The following E2F6 variants were observed in gnomAD, a reference collection of about 807,000 sequenced individuals.
E2F6 encodes E2F transcription factor 6.
In E2F6, 19 loss-of-function variants were observed where a neutral mutation model predicts 31.5. The ratio of observed to expected loss-of-function variants is 0.60; its 90% CI spans 0.42 to 0.89. The LOEUF is 0.89. Ranked by LOEUF, E2F6 falls within the 40% of genes least tolerant of loss-of-function variation. The pLI is 0.00. For synonymous variants in E2F6, 121 were observed against 127.7 expected, an observed-to-expected ratio of 0.95 and a Z score of 0.36; for missense variants, 269 against 341.6, an observed-to-expected ratio of 0.79 and a Z score of 1.67.
chr2:11,454,383 C>G (rs368581217), intron 2 of E2F6, among the ~76,000 whole-genome samples: 1 of 149,670 alleles, frequency 6.7e-6, no homozygotes, highest in African/African-American at 2.5e-5. Context: ...GAGTCTCGCT[C>G]TGTTGCCCAG....
At chr2:11,453,483 T>C (rs1353110852) in intron 3 of E2F6, 99 bp downstream of exon 3, 5 of 1,107,430 alleles carry the variant, frequency 4.5e-6, no homozygotes, top group South Asian at 4.3e-5. Flanking sequence ...CGTACCTTTG[T>C]ATTATATTGT....
At chr2:11,452,968 AT>A (rs1671164547) in intron 3 of E2F6, among the ~76,000 whole-genome samples, 2 of 152,092 alleles carry the variant, frequency 1.3e-5, no homozygotes, top group South Asian at 4.1e-4. Flanking sequence ...GTAGGTTTTC[AT>A]TTGCCTGAGA....
At chr2:11,449,370 G>A (rs1670920795) in intron 5 of E2F6, among the ~76,000 whole-genome samples, 1 of 152,200 alleles carries the variant, frequency 6.6e-6, no homozygotes, top group South Asian at 2.1e-4. Context: ...GCTGCACTGT[G>A]AGCACCGATG....
At chr2:11,457,369 A>T (rs1217120041) in intron 1 of E2F6, 136 bp from the exon 2 acceptor site, 2 of 604,250 alleles carry the variant, frequency 3.3e-6, no homozygotes, top group Non-Finnish European at 5.8e-6. Flanking sequence ...CACGCCTGTA[A>T]TCCCAGCACT....
At chr2:11,454,543 C>A (rs930490996) in intron 2 of E2F6, among the ~76,000 whole-genome samples, 1 of 152,036 alleles carries the variant, frequency 6.6e-6, no homozygotes, top group Non-Finnish European at 1.5e-5. Flanking sequence ...GACGGGGTTT[C>A]ACCATATTGG....
chr2:11,446,156 G>A lies in E2F6; in HGVS notation c.*321C>T, dbSNP rs773997109. On this transcript the variant is annotated 3_prime_UTR_variant, in exon 7 of 7. Transcript: ENST00000381525. Reference sequence around the variant, plus strand: ...CATACTCCTTGAAGGGAAGGGTAGAGTCCACAAAGAACTGTCCATTTCAGC... The same window carrying A: ...CATACTCCTTGAAGGGAAGGGTAGAATCCACAAAGAACTGTCCATTTCAGC... 6.0e-5 allele frequency: 21 copies of A among 351,808 alleles called. No homozygotes were observed. The highest frequency in any genetic ancestry group is 7.6e-4 in the Middle Eastern group (1 of 1,308). The allele number at this position is 351,808 out of a possible 1,614,324, so 21.8% of individuals were successfully genotyped here. A position where few individuals can be genotyped will look rare whatever the true frequency, so the allele number is the denominator to read the frequency against.
At chr2:11,461,459 C>G (rs1308049699) in intron 1 of E2F6, among the ~76,000 whole-genome samples, 1 of 152,212 alleles carries the variant, frequency 6.6e-6, no homozygotes, top group African/African-American at 2.4e-5. Context: ...TCAAGTGATT[C>G]TTCTGCCTCA....
At position 11,459,594 on chromosome 2, in the gene E2F6, A is replaced by G. The variant is rs4558568; in HGVS notation, c.109-2361T>C. Among the ~76,000 whole-genome samples, 424 of 152,208 alleles carry G rather than the reference A, an allele frequency of 2.8e-3. 2 individuals carry two copies. Among genetic ancestry groups the G allele is most frequent in the African/African-American group, 9.8e-3 (409 of 41,548 alleles). Reference sequence around the variant, plus strand: ...CATATACAGACATATAGATAGAAACATAAGTCCAGGCGCGGTGGCTCATGC... The same window carrying G: ...CATATACAGACATATAGATAGAAACGTAAGTCCAGGCGCGGTGGCTCATGC... On this transcript the variant is annotated intron_variant, in intron 1 of 6. Transcript: ENST00000381525.
At chr2:11,454,950 T>C (rs768328402) in intron 2 of E2F6, among the ~76,000 whole-genome samples, 7 of 152,262 alleles carry the variant, frequency 4.6e-5, no homozygotes, top group African/African-American at 1.7e-4. Context: ...ATGCAGTATT[T>C]GCTATTTATC....
intron 1 of E2F6, chr2:11,458,346 A>G: frequency 1.3e-6 from 2 of 1,551,800 alleles, no homozygotes; most frequent in East Asian, 2.4e-5. Flanking sequence ...TTGCCTGAAT[A>G]AACAACTGTG....
intron 4 of E2F6, among the ~76,000 whole-genome samples, chr2:11,450,371 A>G (rs1670986627): frequency 6.6e-6 from 1 of 152,192 alleles, no homozygotes; most frequent in South Asian, 2.1e-4. Flanking sequence ...AGTTTCTTTA[A>G]GCTCTACTAT....
At chr2:11,452,022 C>T (rs57030985) in intron 3 of E2F6, among the ~76,000 whole-genome samples, 1 of 151,888 alleles carries the variant, frequency 6.6e-6, no homozygotes. Flanking sequence ...CAGTCTTTTT[C>T]AAAAAAATAC....
intron 1 of E2F6, among the ~76,000 whole-genome samples, chr2:11,462,803 T>C (rs1398860658): frequency 6.6e-6 from 1 of 152,202 alleles, no homozygotes; most frequent in Non-Finnish European, 1.5e-5. Context: ...ATGACACTAC[T>C]GAGAATGGCA....
chr2:11,465,641 G>C (rs998053048), intron 1 of E2F6, 131 bp downstream of exon 1: 73 of 860,738 alleles, frequency 8.5e-5, no homozygotes, highest in Non-Finnish European at 1.2e-4. Context: ...TTCGCAGCAC[G>C]TGATGGGCAG....
At chr2:11,465,738 C>T (rs1439291567) in intron 1 of E2F6, 34 bp downstream of exon 1, 10 of 1,555,034 alleles carry the variant, frequency 6.4e-6, no homozygotes, top group African/African-American at 1.4e-5. Flanking sequence ...ATTTGGGAGA[C>T]CACCGCCCGT....
Position 11,454,352 on chromosome 2 carries a change from CT to C in E2F6, c.164-555del, listed in dbSNP as rs535824786. ...CCTCGAGCAACAGTGGTATCTCTCTCTTTTTTTTTTTTTTTTGAGAGAGTCT... is the reference window on the plus strand; with the variant it reads ...CCTCGAGCAACAGTGGTATCTCTCTCTTTTTTTTTTTTTTTGAGAGAGTCT... On this transcript the variant is annotated intron_variant, in intron 2 of 6. Coordinates refer to ENST00000381525, the MANE Select transcript of E2F6 (RefSeq NM_198256.4). Among the ~76,000 whole-genome samples the C allele has an allele frequency of 7.2e-3, 1,008 of 140,412 alleles. 3 individuals carry two copies. The highest frequency in any genetic ancestry group is 0.016 in the African/African-American group (620 of 37,944). The allele number at this position is 140,412 out of a possible 152,430, so 92.1% of individuals were successfully genotyped here. A position where few individuals can be genotyped will look rare whatever the true frequency, so the allele number is the denominator to read the frequency against.
Position 11,453,688 on chromosome 2 carries a change from C to A in E2F6, c.274G>T (p.Val92Phe), listed in dbSNP as rs1281497180. 3 of 1,614,006 alleles carry A rather than the reference C, an allele frequency of 1.9e-6. No homozygotes were observed. The African/African-American group carries it at 4.0e-5, about 22-fold the overall frequency. ...TTTCGGACTCCCAGTTTCGTTGCAA[C>A]CTTGTTTAAGTCAAGAATACCCCCG... is the stretch of plus-strand genomic sequence containing the variant. ...APGGILDLNK[V>F]ATKLGVRKRR... is the part of the protein sequence containing the mutation. The change falls in exon 3 of 7, where the codon GTT becomes TTT. Residue 92 changes from valine to phenylalanine, a missense_variant. Coordinates refer to ENST00000381525, the MANE Select transcript of E2F6 (RefSeq NM_198256.4).
chr2:11,465,791 A>G lies in E2F6; in HGVS notation c.89T>C (p.Ile30Thr), dbSNP rs765809350. The G allele has an allele frequency of 2.5e-6, 4 of 1,600,216 alleles. No homozygotes were observed. The East Asian group carries it at 9.0e-5, about 36-fold the overall frequency. The change falls in exon 1 of 7, where the codon ATC (isoleucine) becomes ACC (threonine). Residue 30 changes from isoleucine (I) to threonine (T), a missense_variant. Physicochemically the swap from Ile to Thr is moderately conservative, Grantham distance 89. Coordinates refer to ENST00000381525, the MANE Select transcript of E2F6 (RefSeq NM_198256.4). ...ETVRRRCRDPINVEGLLPSKI... is the reference protein window; with the variant it reads ...ETVRRRCRDPTNVEGLLPSKI... ...GCTTACCAGCAGGCCCTCCACGTTG[A>G]TGGGGTCTCGGCACCGACGGCGAAC...
intron 4 of E2F6, 133 bp downstream of exon 4, chr2:11,451,518 A>C: frequency 1.1e-6 from 1 of 931,144 alleles, no homozygotes; most frequent in Non-Finnish European, 1.5e-6. Flanking sequence ...ACGCCTGGCT[A>C]ATTTTGTATT....
Sources: allele counts gnomAD v4.1 joint callset (sites outside exome capture counted in the v4.1 genomes callset), GRCh38; gene constraint gnomAD v4.1.1; transcripts MANE v1.5; gene names NCBI Gene and HGNC (gene_info 2026-07-23, HGNC 2026-07-21).